The following RNF13 variants were observed in gnomAD, a reference collection of about 807,000 sequenced individuals.
RNF13 encodes E3 ubiquitin-protein ligase RNF13.
Under a neutral mutation model 37.7 loss-of-function variants are expected in RNF13, and 19 were observed. The ratio of observed to expected loss-of-function variants is 0.50; its 90% CI spans 0.35 to 0.74. The LOEUF (loss-of-function observed/expected upper bound fraction) is 0.74. Among genes scored for constraint, RNF13 ranks in the 30% least tolerant of loss-of-function variants. RNF13 has a pLI of 0.01. For missense variants in RNF13, 375 were observed against 453.0 expected (o/e 0.83, Z 1.56); for synonymous variants, 144 against 157.8 (o/e 0.91, Z 0.65).
Position 149,816,724 on chromosome 3 carries a change from A to G in RNF13, c.-17+3371A>G, listed in dbSNP as rs183044581. On this transcript the variant is annotated intron_variant, in intron 1 of 9. Coordinates refer to ENST00000392894, the MANE Select transcript of RNF13 (RefSeq NM_183381.3). ...CAGATTATGGAGATTCTTAAATGTC[A>G]GACTAAAGATTTTATATATGATTTT... is the stretch of plus-strand genomic sequence containing the variant. Among the ~76,000 whole-genome samples the G allele has an allele frequency of 1.9e-3, 282 of 152,354 alleles. 1 individual carries two copies. Among genetic ancestry groups the G allele is most frequent in the South Asian group, 1.9e-3 (9 of 4,832 alleles).
At chr3:149,871,958 A>G in intron 3 of RNF13, 71 bp from the exon 4 acceptor site, 20 of 1,334,130 alleles carry the variant, frequency 1.5e-5, no homozygotes, top group Non-Finnish European at 2.0e-5. Flanking sequence ...AATCGAAAAG[A>G]TATTTGTAGA....
At chr3:149,937,356 C>G (rs1417122482) in intron 8 of RNF13, among the ~76,000 whole-genome samples, 6 of 152,078 alleles carry the variant, frequency 3.9e-5, no homozygotes, top group Non-Finnish European at 8.8e-5. Flanking sequence ...TATCCAGTGC[C>G]TAATAACTTA....
intron 1 of RNF13, among the ~76,000 whole-genome samples, chr3:149,818,148 T>C (rs1024687850): frequency 5.9e-5 from 9 of 152,338 alleles, no homozygotes; most frequent in Non-Finnish European, 1.3e-4. Flanking sequence ...ACTTGGATCC[T>C]ACTACTTAGG....
chr3:149,940,857 T>G (rs1157750932), intron 8 of RNF13, among the ~76,000 whole-genome samples: 1 of 152,166 alleles, frequency 6.6e-6, no homozygotes, highest in Non-Finnish European at 1.5e-5. Flanking sequence ...CCTCTTTCTC[T>G]TCTCTCCAGC....
intron 3 of RNF13, among the ~76,000 whole-genome samples, chr3:149,864,420 T>G (rs1307834148): frequency 6.6e-6 from 1 of 152,108 alleles, no homozygotes; most frequent in Non-Finnish European, 1.5e-5. Flanking sequence ...CCTGCAGAAC[T>G]ATGAGCCAAA....
intron 8 of RNF13, among the ~76,000 whole-genome samples, chr3:149,922,643 T>C (rs1314600420): frequency 6.6e-6 from 1 of 152,166 alleles, no homozygotes; most frequent in East Asian, 1.9e-4. Flanking sequence ...AACACATAGG[T>C]AGGTAGCTGT....
chr3:149,819,002 A>G (rs1719760568), intron 1 of RNF13, among the ~76,000 whole-genome samples: 1 of 152,258 alleles, frequency 6.6e-6, no homozygotes, highest in Non-Finnish European at 1.5e-5. Context: ...AGCTGAAAGC[A>G]TCAACATTAT....
At chr3:149,831,041 T>C (rs1720983191) in intron 1 of RNF13, among the ~76,000 whole-genome samples, 6 of 152,258 alleles carry the variant, frequency 3.9e-5, no homozygotes, top group Admixed American at 3.9e-4. Context: ...TTTGGGAATC[T>C]TCATTTAGAA....
chr3:149,895,555 A>G lies in RNF13; in HGVS notation c.404A>G (p.Asn135Ser). ...GATGACCTCATTAGCATGGGATCCA[A>G]CGACAGTAAGTACAGGTATCACTTT... ...DSDDLISMGSNDIEVLKKIDI... is the reference protein window; with the variant it reads ...DSDDLISMGSSDIEVLKKIDI... The change falls in exon 5 of 10, where the codon AAC (asparagine) becomes AGC (serine). Residue 135 changes from asparagine (N) to serine (S), a missense_variant. Coordinates refer to ENST00000392894, the MANE Select transcript of RNF13 (RefSeq NM_183381.3). The G allele has an allele frequency of 6.3e-7, 1 of 1,589,278 alleles. No homozygotes were observed. Among genetic ancestry groups the G allele is most frequent in the Non-Finnish European group, 8.6e-7 (1 of 1,159,280 alleles).
At chr3:149,835,865 C>G (rs184386112) in intron 1 of RNF13, among the ~76,000 whole-genome samples, 42 of 116,990 alleles carry the variant, frequency 3.6e-4, no homozygotes, top group East Asian at 6.0e-4. Flanking sequence ...ATCCCCAGTA[C>G]TGGGATTGCT....
intron 2 of RNF13, among the ~76,000 whole-genome samples, chr3:149,850,856 G>A (rs1723059091): frequency 6.6e-6 from 1 of 152,176 alleles, no homozygotes; most frequent in African/African-American, 2.4e-5. Context: ...ACGATAGATT[G>A]TGATAATGGG....
In RNF13 at chr3:149,869,559, TC is replaced by T. The variant is rs1290501983; in HGVS notation, c.196-2467del. ...AGGCGGAGCTTGCAGTGAGCCGAGA[TC>T]CCGCCACTGCACTCCAGCCTGGGCG... On this transcript the variant is annotated intron_variant, in intron 3 of 9. Transcript: ENST00000392894. Among the ~76,000 whole-genome samples the T allele has an allele frequency of 2.0e-5, 3 of 150,694 alleles. No individual in the cohort carries two copies. In the East Asian group the frequency reaches 5.8e-4, roughly 29 times the overall value.
intron 1 of RNF13, among the ~76,000 whole-genome samples, chr3:149,831,897 A>G (rs1721092142): frequency 6.6e-6 from 1 of 152,156 alleles, no homozygotes; most frequent in Non-Finnish European, 1.5e-5. Context: ...TGAGAACACT[A>G]TTTTGGAGGA....
At chr3:149,926,531 G>A (rs938561572) in intron 8 of RNF13, among the ~76,000 whole-genome samples, 9 of 151,956 alleles carry the variant, frequency 5.9e-5, no homozygotes, top group African/African-American at 1.2e-4. Flanking sequence ...TTTAGAGTAC[G>A]TTTTCTATCC....
intron 1 of RNF13, among the ~76,000 whole-genome samples, chr3:149,820,107 T>G (rs1336925908): frequency 6.6e-6 from 1 of 152,178 alleles, no homozygotes; most frequent in African/African-American, 2.4e-5. Context: ...GTAAGAGAGC[T>G]CTTGGTCAGC....
chr3:149,813,935 A>T (rs2108297547), intron 1 of RNF13: 1 of 152,318 alleles, frequency 6.6e-6, no homozygotes, highest in East Asian at 1.9e-4. Flanking sequence ...AGAGAAAGAG[A>T]GAGTGGGCAG....
At chr3:149,866,799 G>A (rs144057917) in intron 3 of RNF13, among the ~76,000 whole-genome samples, 1,622 of 152,128 alleles carry the variant, frequency 0.011, 14 homozygotes, top group Middle Eastern at 0.034. Flanking sequence ...TTCACCCATT[G>A]GTTATTCAGG....
chr3:149,905,505 C>CT (rs960994603), intron 6 of RNF13, among the ~76,000 whole-genome samples: 17 of 149,020 alleles, frequency 1.1e-4, no homozygotes, highest in African/African-American at 3.2e-4. Context: ...TTTAATATTA[C>CT]TTTTTTTTGT....
rs190356365 is a variant in RNF13, at chr3:149,828,108, G to A, written c.-17+14755G>A. Among the ~76,000 whole-genome samples, 8 of 152,080 alleles carry A rather than the reference G, an allele frequency of 5.3e-5. No individual in the cohort carries two copies. In the East Asian group the frequency reaches 1.5e-3, roughly 29 times the overall value. ...CTTCTCAGCTTTTTGTTCAGAAATTGCAAAAATTAAAGGAGTAATTAGGAT... is the reference window on the plus strand; with the variant it reads ...CTTCTCAGCTTTTTGTTCAGAAATTACAAAAATTAAAGGAGTAATTAGGAT... On this transcript the variant is annotated intron_variant, in intron 1 of 9. Coordinates refer to ENST00000392894, the MANE Select transcript of RNF13 (RefSeq NM_183381.3).
Sources: gnomAD v4.1 joint callset for allele counts (sites outside exome capture counted in the v4.1 genomes callset) on GRCh38, gnomAD v4.1.1 for gene constraint, MANE v1.5 for transcripts, NCBI Gene and HGNC (gene_info 2026-07-23, HGNC 2026-07-21) for gene names.